The following BLTP3B variants were observed in gnomAD, a reference collection of about 807,000 sequenced individuals.
BLTP3B encodes the protein bridge-like lipid transfer protein family member 3B.
chr12:100,056,312 C>G, the BLTP3B span, among the ~76,000 whole-genome samples: 1 of 152,124 alleles, frequency 6.6e-6, no homozygotes, highest in Admixed American at 6.6e-5. Flanking sequence ...TTCCCAGCCT[C>G]CAGAACTGTG....
At chr12:100,104,523 T>C in the BLTP3B span, among the ~76,000 whole-genome samples, 1 of 141,456 alleles carries the variant, frequency 7.1e-6, no homozygotes, top group African/African-American at 2.9e-5. Flanking sequence ...TTCTTTTAAG[T>C]ATCTTTTTTT....
At chr12:100,062,964 AAAG>A in the BLTP3B span, among the ~76,000 whole-genome samples, 3 of 151,546 alleles carry the variant, frequency 2.0e-5, no homozygotes, top group African/African-American at 7.3e-5. Context: ...TCTCAAAAAA[AAAG>A]AAAAGAATTT....
the BLTP3B span, among the ~76,000 whole-genome samples, chr12:100,124,936 TTATATATATATATATATA>T: frequency 0.11 from 6,148 of 56,646 alleles, 383 homozygotes; most frequent in Admixed American, 0.19. Flanking sequence ...AAAAAAAATT[TTATATATATATATATATA>T]TATATATATA....
the BLTP3B span, among the ~76,000 whole-genome samples, chr12:100,107,406 C>T: frequency 6.6e-6 from 1 of 150,538 alleles, no homozygotes; most frequent in Non-Finnish European, 1.5e-5. Context: ...GGGCTGGGCA[C>T]GGGCGGATCA....
chr12:100,059,169 A>C, the BLTP3B span: 1 of 1,614,126 alleles, frequency 6.2e-7, no homozygotes, highest in Non-Finnish European at 8.5e-7. Flanking sequence ...TTCATAATCT[A>C]TCCAAAATTG....
chr12:100,104,042 C>A, the BLTP3B span: 1 of 818,958 alleles, frequency 1.2e-6, no homozygotes, highest in Non-Finnish European at 1.9e-6. Context: ...TAATATAGGA[C>A]AGACACACCA....
chr12:100,110,629 T>C, the BLTP3B span, among the ~76,000 whole-genome samples: 351 of 152,216 alleles, frequency 2.3e-3, 9 homozygotes, highest in Admixed American at 0.022. Flanking sequence ...AGAGAGAATA[T>C]AGCAGGAGTT....
At chr12:100,113,936 G>T in the BLTP3B span, among the ~76,000 whole-genome samples, 1 of 152,164 alleles carries the variant, frequency 6.6e-6, no homozygotes, top group Non-Finnish European at 1.5e-5. Context: ...TGATCTGCAG[G>T]TATTAGATGG....
At chr12:100,129,895 G>A in the BLTP3B span, among the ~76,000 whole-genome samples, 7 of 152,240 alleles carry the variant, frequency 4.6e-5, no homozygotes, top group Non-Finnish European at 1.0e-4. Flanking sequence ...TTGTATACAC[G>A]CTCTAGTCCA....
chr12:100,051,271 G>A, the BLTP3B span: 6 of 1,536,632 alleles, frequency 3.9e-6, no homozygotes, highest in South Asian at 4.8e-5. Context: ...TTTTACACAT[G>A]ATCTAACACT....
chr12:100,134,130 A>T, the BLTP3B span, among the ~76,000 whole-genome samples: 2 of 135,286 alleles, frequency 1.5e-5, no homozygotes, highest in African/African-American at 3.8e-5. Context: ...TTAAAAGGAT[A>T]AAAAAAAACA....
the BLTP3B span, among the ~76,000 whole-genome samples, chr12:100,105,862 GA>G: frequency 7.3e-5 from 11 of 151,292 alleles, no homozygotes; most frequent in South Asian, 8.4e-4. Flanking sequence ...AAATCAGCAA[GA>G]AAAAAAACAC....
At chr12:100,068,681 G>C in the BLTP3B span, among the ~76,000 whole-genome samples, 1 of 152,158 alleles carries the variant, frequency 6.6e-6, no homozygotes, top group South Asian at 2.1e-4. Flanking sequence ...GGGATTGATG[G>C]CTGAGACAAT....
the BLTP3B span, chr12:100,059,361 G>A: frequency 6.2e-7 from 1 of 1,613,960 alleles, no homozygotes; most frequent in Non-Finnish European, 8.5e-7. Flanking sequence ...GCTGGTATAT[G>A]TTTTACTAAA....
At chr12:100,067,849 C>G in the BLTP3B span, among the ~76,000 whole-genome samples, 1 of 152,060 alleles carries the variant, frequency 6.6e-6, no homozygotes, top group South Asian at 2.1e-4. Context: ...AAGTCATAGA[C>G]GACACAAACG....
chr12:100,093,980 C>T, the BLTP3B span, among the ~76,000 whole-genome samples: 147 of 152,240 alleles, frequency 9.7e-4, 1 homozygote, highest in Admixed American at 4.2e-3. Flanking sequence ...TTTTATTAAC[C>T]TCTTTGTGAA....
At chr12:100,083,926 C>T in the BLTP3B span, among the ~76,000 whole-genome samples, 17 of 152,152 alleles carry the variant, frequency 1.1e-4, no homozygotes, top group Admixed American at 3.9e-4. Flanking sequence ...TGGTGGCTCA[C>T]GCCTGTAATC....
chr12:100,067,202 A>C, the BLTP3B span, among the ~76,000 whole-genome samples: 1 of 152,296 alleles, frequency 6.6e-6, no homozygotes, highest in East Asian at 1.9e-4. Context: ...TGCTGAGAGG[A>C]AAGTTCATAG....
At chr12:100,086,837 A>C in the BLTP3B span, among the ~76,000 whole-genome samples, 2 of 152,294 alleles carry the variant, frequency 1.3e-5, no homozygotes, top group African/African-American at 4.8e-5. Context: ...AATCTTGAAC[A>C]CTACACCATA....
Sources: allele counts gnomAD v4.1 joint callset (sites outside exome capture counted in the v4.1 genomes callset), GRCh38; gene constraint gnomAD v4.1.1; transcripts MANE v1.5; gene names NCBI Gene and HGNC (gene_info 2026-07-23, HGNC 2026-07-21).